HHLA2: variants seen among roughly 807,000 people sequenced by gnomAD.
The protein encoded by HHLA2 is HHLA2 member of B7 family, also known as HERV-H LTR-associating protein 2.
HHLA2 carries 48 observed loss-of-function variants against 45.9 expected under a neutral mutation model. That is an observed-to-expected ratio of 1.05 (90% confidence interval 0.83 to 1.33). The LOEUF (loss-of-function observed/expected upper bound fraction) is 1.33. Ranked by LOEUF, HHLA2 falls within the 40% of genes most tolerant of loss-of-function variation. HHLA2 has a pLI of 0.00. For synonymous variants in HHLA2, 161 were observed against 173.9 expected, an observed-to-expected ratio of 0.93 and a Z score of 0.59; for missense variants, 462 against 494.3, an observed-to-expected ratio of 0.93 and a Z score of 0.62.
intron 8 of HHLA2, among the ~76,000 whole-genome samples, chr3:108,362,717 G>T (rs1386209611): frequency 1.3e-5 from 2 of 151,878 alleles, no homozygotes; most frequent in African/African-American, 4.8e-5. Flanking sequence ...TTGCCTTTAG[G>T]TTTCCTACTA....
chr3:108,332,828 G>A (rs896748475), intron 3 of HHLA2, among the ~76,000 whole-genome samples: 1 of 152,132 alleles, frequency 6.6e-6, no homozygotes, highest in African/African-American at 2.4e-5. Context: ...GCTGGTTTAT[G>A]TAGCCCTTCC....
intron 1 of HHLA2, among the ~76,000 whole-genome samples, chr3:108,309,743 G>T (rs2080987243): frequency 1.3e-5 from 2 of 152,152 alleles, no homozygotes; most frequent in African/African-American, 4.8e-5. Context: ...CAATCACATG[G>T]TTAAAGTAAT....
chr3:108,357,204 AG>A (rs2081909518), intron 6 of HHLA2, among the ~76,000 whole-genome samples: 1 of 152,152 alleles, frequency 6.6e-6, no homozygotes, highest in Admixed American at 6.5e-5. Flanking sequence ...GTCTAGAGCC[AG>A]GGGGAACAGT....
At chr3:108,328,353 T>C (rs927722033) in intron 3 of HHLA2, 36 of 1,518,378 alleles carry the variant, frequency 2.4e-5, no homozygotes, top group Non-Finnish European at 2.8e-5. Flanking sequence ...CTCTGGTAAG[T>C]AGGGAGATAT....
chr3:108,311,053 G>A (rs1241000531), intron 2 of HHLA2, among the ~76,000 whole-genome samples: 2 of 152,038 alleles, frequency 1.3e-5, no homozygotes, highest in Non-Finnish European at 2.9e-5. Flanking sequence ...TGTAAATAGG[G>A]GTATGTGTCT....
chr3:108,332,248 T>G (rs2081397819), intron 3 of HHLA2, among the ~76,000 whole-genome samples: 1 of 152,184 alleles, frequency 6.6e-6, no homozygotes, highest in South Asian at 2.1e-4. Context: ...TGGGCACAGT[T>G]ACCTCCAGGC....
rs538675485 is a variant in HHLA2 at position 108,325,568 on chromosome 3, A to G, written c.-104-2702A>G. ...AGCCATCTTGGTTTTGTAGTTTGGC[A>G]AAGTATTGGCCTCCCCCACCATAGG... On this transcript the variant is annotated intron_variant, in intron 2 of 10. Transcript: ENST00000619531. 1.2e-3 allele frequency: 323 copies of G among 261,540 alleles called. 1 individual carries two copies. Among genetic ancestry groups the G allele is most frequent in the African/African-American group, 7.0e-3 (310 of 44,426 alleles). The allele number at this position is 261,540 out of a possible 1,614,324, so 16.2% of individuals were successfully genotyped here.
chr3:108,324,230 A>G (rs373927585), intron 2 of HHLA2, among the ~76,000 whole-genome samples: 2 of 152,222 alleles, frequency 1.3e-5, no homozygotes, highest in Non-Finnish European at 2.9e-5. Context: ...AGTGGACTAC[A>G]TTAAATTTAT....
At chr3:108,352,380 A>C (rs1438171302) in intron 4 of HHLA2, among the ~76,000 whole-genome samples, 3 of 152,156 alleles carry the variant, frequency 2.0e-5, no homozygotes, top group Non-Finnish European at 4.4e-5. Flanking sequence ...CTCTCTGAGG[A>C]AGAGAGGCGG....
At chr3:108,375,169 T>C (rs1187421774) in intron 8 of HHLA2, among the ~76,000 whole-genome samples, 2 of 152,074 alleles carry the variant, frequency 1.3e-5, no homozygotes, top group Non-Finnish European at 2.9e-5. Flanking sequence ...GATGAGTTCA[T>C]GTCCTTTGTA....
At chr3:108,307,696 A>G (rs890390640) in intron 1 of HHLA2, among the ~76,000 whole-genome samples, 4 of 152,252 alleles carry the variant, frequency 2.6e-5, no homozygotes, top group African/African-American at 9.6e-5. Context: ...AACATTGTAT[A>G]TACATGGTTC....
chr3:108,375,439 T>C (rs935516685), intron 8 of HHLA2, among the ~76,000 whole-genome samples: 1 of 151,944 alleles, frequency 6.6e-6, no homozygotes, highest in Non-Finnish European at 1.5e-5. Flanking sequence ...GTAACAAACC[T>C]GTATGTTGTG....
chr3:108,364,465 T>A (rs2082031019), intron 8 of HHLA2, among the ~76,000 whole-genome samples: 1 of 152,242 alleles, frequency 6.6e-6, no homozygotes, highest in African/African-American at 2.4e-5. Context: ...CATGTGCATG[T>A]GTCTTCATAG....
At chr3:108,350,839 C>G (rs142746038) in intron 3 of HHLA2, among the ~76,000 whole-genome samples, 32 of 152,198 alleles carry the variant, frequency 2.1e-4, no homozygotes, top group African/African-American at 7.5e-4. Flanking sequence ...CACATGCCAC[C>G]ACACCCGGCT....
intron 3 of HHLA2, among the ~76,000 whole-genome samples, chr3:108,344,015 G>A (rs2107430269): frequency 6.6e-6 from 1 of 152,292 alleles, no homozygotes; most frequent in Admixed American, 6.5e-5. Context: ...TTCAGTGGAA[G>A]TCCTTACATC....
intron 6 of HHLA2, among the ~76,000 whole-genome samples, chr3:108,356,537 T>C (rs181106721): frequency 4.6e-5 from 7 of 152,332 alleles, no homozygotes; most frequent in African/African-American, 1.7e-4. Flanking sequence ...ATGTTCATTC[T>C]CCATCAGTCA....
rs1331584291 is a variant in HHLA2 at position 108,328,553 on chromosome 3, T to A, written c.-27+206T>A. On this transcript the variant is annotated intron_variant, in intron 3 of 10. Coordinates refer to ENST00000619531, the Ensembl canonical transcript of HHLA2. The stretch of plus-strand genomic sequence containing the variant: ...AGGAGTTAGGTAACTTGGACAACAG[T>A]ACACAGCTTTAAATAGACCTGGGCT... Among the ~76,000 whole-genome samples the A allele has an allele frequency of 2.0e-5, 3 of 152,156 alleles. No homozygotes were observed. The East Asian group carries it at 5.8e-4, about 29-fold the overall frequency.
At chr3:108,366,715 G>A (rs538775033) in intron 8 of HHLA2, among the ~76,000 whole-genome samples, 18 of 151,940 alleles carry the variant, frequency 1.2e-4, no homozygotes, top group South Asian at 4.1e-4. Flanking sequence ...GAGGGTGTCC[G>A]GGAATTTATC....
At chr3:108,321,486 C>T (rs2081201414) in intron 2 of HHLA2, among the ~76,000 whole-genome samples, 2 of 152,068 alleles carry the variant, frequency 1.3e-5, no homozygotes, top group Non-Finnish European at 2.9e-5. Context: ...GATGTGGTTG[C>T]GTTTTCTTTT....
Sources: allele counts gnomAD v4.1 joint callset (sites outside exome capture counted in the v4.1 genomes callset), GRCh38; gene constraint gnomAD v4.1.1; transcripts MANE v1.5; gene names NCBI Gene and HGNC (gene_info 2026-07-23, HGNC 2026-07-21).